Variants in ZNF664 observed in about 807,000 individuals in gnomAD.
ZNF664 encodes the protein zinc finger protein 664.
Under a neutral mutation model 18.2 loss-of-function variants are expected in ZNF664, and 10 were observed. The observed-to-expected ratio is 0.55, with a 90% CI of 0.34 to 0.93. ZNF664 has a LOEUF of 0.93. Ranked by LOEUF, ZNF664 falls within the 40% of genes least tolerant of loss-of-function variation. ZNF664 has a pLI of 0.02. For missense variants in ZNF664, 193 were observed against 319.0 expected, an observed-to-expected ratio of 0.61 and a Z score of 3.01; for synonymous variants, 119 against 104.2, an observed-to-expected ratio of 1.14 and a Z score of -0.86.
At position 123,993,679 on chromosome 12, in the gene ZNF664, C is replaced by T. The variant is rs557133384; in HGVS notation, c.-661+5541C>T. 1.6e-4 allele frequency among the ~76,000 whole-genome samples: 25 copies of T among 152,218 alleles called. No individual in the cohort carries two copies. The East Asian group carries it at 2.9e-3, about 18-fold the overall frequency. Reference sequence around the variant, plus strand: ...AACCCGGTTCCTTTGGCGGTATGTACGTCCTGATACCTAAACAACGTTTCC... The same window carrying T: ...AACCCGGTTCCTTTGGCGGTATGTATGTCCTGATACCTAAACAACGTTTCC... On this transcript the variant is annotated intron_variant, in intron 3 of 4. Transcript: ENST00000337815.
intron 2 of ZNF664, among the ~76,000 whole-genome samples, chr12:123,980,640 T>C (rs942640012): frequency 6.6e-6 from 1 of 152,098 alleles, no homozygotes; most frequent in Non-Finnish European, 1.5e-5. Context: ...ATGCTTATGA[T>C]AGTGTTAAGT....
intron 3 of ZNF664, among the ~76,000 whole-genome samples, chr12:123,990,514 G>A (rs2138372702): frequency 1.3e-5 from 2 of 152,312 alleles, no homozygotes; most frequent in East Asian, 3.9e-4. Context: ...CTCTTCCTGA[G>A]GGTGGCTTGA....
At chr12:123,997,456 C>G (rs1213758004) in intron 3 of ZNF664, among the ~76,000 whole-genome samples, 2 of 152,216 alleles carry the variant, frequency 1.3e-5, no homozygotes, top group African/African-American at 2.4e-5. Context: ...GAAGGCTTTA[C>G]AGGAGAATCC....
intron 2 of ZNF664, chr12:123,974,453 A>G (rs1787235144): frequency 6.4e-6 from 1 of 156,300 alleles, no homozygotes; most frequent in African/African-American, 2.4e-5. Context: ...TCTTATTTAG[A>G]GAGGGCTCCT....
Position 124,013,523 on chromosome 12 carries a change from G to T in ZNF664, c.*593G>T, listed in dbSNP as rs1957157489. ...CATTAACTTTCATTTTAGATTTTAG[G>T]TGACTCATAATTCCCATTCACTTAG... On this transcript the variant is annotated 3_prime_UTR_variant, in exon 5 of 5. Transcript: ENST00000337815. 1 of 169,710 alleles carries T rather than the reference G, an allele frequency of 5.9e-6. No homozygotes were observed. The highest frequency in any genetic ancestry group is 6.3e-5 in the Admixed American group (1 of 15,870). The allele number at this position is 169,710 out of a possible 1,614,324, so 10.5% of individuals were successfully genotyped here.
Position 124,013,055 on chromosome 12 carries a change from G to C in ZNF664, c.*125G>C. The C allele has an allele frequency of 7.9e-7, 1 of 1,265,278 alleles. No individual in the cohort carries two copies. The highest frequency in any genetic ancestry group is 1.6e-5 in the South Asian group (1 of 62,876). The allele number at this position is 1,265,278 out of a possible 1,614,324, so 78.4% of individuals were successfully genotyped here. On this transcript the variant is annotated 3_prime_UTR_variant, in exon 5 of 5. Transcript: ENST00000337815. ...CCTAGCAGAACATTGTTTCTGAGGA[G>C]GCATATGTGAGATTGATTTGTTGGT...
intron 3 of ZNF664, among the ~76,000 whole-genome samples, chr12:124,010,750 A>G (rs966461290): frequency 6.6e-6 from 1 of 152,226 alleles, no homozygotes; most frequent in Non-Finnish European, 1.5e-5. Context: ...CAATACGATA[A>G]TTACAAGTCC....
In ZNF664 at chr12:123,994,433, A is replaced by G. The variant is rs143075563; in HGVS notation, c.-661+6295A>G. Reference sequence around the variant, plus strand: ...CTCATTACATGCTAACATAAATGACATTTTTATGAAAAATAGCTATTTTCT... The same window carrying G: ...CTCATTACATGCTAACATAAATGACGTTTTTATGAAAAATAGCTATTTTCT... On this transcript the variant is annotated intron_variant, in intron 3 of 4. Coordinates refer to ENST00000337815, the MANE Select transcript of ZNF664 (RefSeq NM_152437.3). Among the ~76,000 whole-genome samples, 1,220 of 152,334 alleles carry G rather than the reference A, an allele frequency of 8.0e-3. 12 individuals are homozygous for G. Among genetic ancestry groups the G allele is most frequent in the Middle Eastern group, 0.031 (9 of 294 alleles).
intron 2 of ZNF664, among the ~76,000 whole-genome samples, chr12:123,987,143 T>A (rs185336623): frequency 1.3e-5 from 2 of 152,288 alleles, no homozygotes; most frequent in East Asian, 3.9e-4. Flanking sequence ...TTTCACATAA[T>A]CCTTTCCCCC....
intron 2 of ZNF664, among the ~76,000 whole-genome samples, chr12:123,984,166 G>C (rs911553206): frequency 2.6e-5 from 4 of 152,184 alleles, no homozygotes; most frequent in Non-Finnish European, 5.9e-5. Context: ...GAGGAGAGGG[G>C]AGATGGAACT....
At chr12:123,987,957 T>G (rs1429043023) in intron 2 of ZNF664, 86 bp from the exon 3 acceptor site, 1 of 1,228,784 alleles carries the variant, frequency 8.1e-7, no homozygotes, top group Non-Finnish European at 1.0e-6. Flanking sequence ...ACCCCACGTT[T>G]ATAGTAGCTA....
At position 124,011,455 on chromosome 12, in the gene ZNF664, CT is replaced by C. The variant is rs1299053719; in HGVS notation, c.-600+15del. 1.2e-6 allele frequency: 1 copy of C among 804,438 alleles called. No homozygotes were observed. The highest frequency in any genetic ancestry group is 1.5e-6 in the Non-Finnish European group (1 of 666,340). 49.8% of individuals were successfully genotyped at this position (804,438 alleles called of 1,614,324 possible). ...AGACCAAAAAAGGTTTGTGTTACTGCTGTCACATTTATATAAAATTAATTTT... is the reference window on the plus strand; with the variant it reads ...AGACCAAAAAAGGTTTGTGTTACTGCGTCACATTTATATAAAATTAATTTT... On this transcript the variant is annotated intron_variant, in intron 4 of 4. Transcript: ENST00000337815.
intron 1 of ZNF664, 195 bp from the exon 2 acceptor site, chr12:123,973,691 C>T (rs1195965279): frequency 1.0e-6 from 1 of 988,886 alleles, no homozygotes; most frequent in Non-Finnish European, 1.3e-6. Flanking sequence ...CCTCGGGAGC[C>T]GGACTCCCGA....
chr12:123,988,187 T>C, intron 3 of ZNF664, 49 bp downstream of exon 3: 4 of 1,230,236 alleles, frequency 3.3e-6, no homozygotes, highest in South Asian at 8.2e-5. Flanking sequence ...AGAATCCCCC[T>C]TGAGTATTTT....
At chr12:123,996,976 G>A (rs1032023678) in intron 3 of ZNF664, among the ~76,000 whole-genome samples, 4 of 152,178 alleles carry the variant, frequency 2.6e-5, no homozygotes, top group Admixed American at 2.0e-4. Flanking sequence ...TGGTGTCAGA[G>A]GTGAAGACTG....
At chr12:123,976,563 G>A (rs1001745231) in intron 2 of ZNF664, among the ~76,000 whole-genome samples, 2 of 152,282 alleles carry the variant, frequency 1.3e-5, no homozygotes, top group East Asian at 1.9e-4. Context: ...CCATGATATG[G>A]GTTGGGATTT....
chr12:123,973,930 A>T lies in ZNF664; in HGVS notation c.-847A>T. ...AGGAGGCGAGCATCCCGCTCAGGTG[A>T]TGAGGAACCCCTCGCGCACCCAGCG... On this transcript the variant is annotated 5_prime_UTR_variant, in exon 2 of 5. It removes an upstream start codon present in the reference 5' UTR. Coordinates refer to ENST00000337815, the MANE Select transcript of ZNF664 (RefSeq NM_152437.3). 1 of 1,231,902 alleles carries T rather than the reference A, an allele frequency of 8.1e-7. No homozygotes were observed. The highest frequency in any genetic ancestry group is 1.0e-6 in the Non-Finnish European group (1 of 988,092). The allele number at this position is 1,231,902 out of a possible 1,614,324, so 76.3% of individuals were successfully genotyped here. A position where few individuals can be genotyped will look rare whatever the true frequency, so the allele number is the denominator to read the frequency against.
intron 3 of ZNF664, among the ~76,000 whole-genome samples, chr12:124,006,527 T>C (rs1957075734): frequency 6.6e-6 from 1 of 152,252 alleles, no homozygotes; most frequent in Non-Finnish European, 1.5e-5. Flanking sequence ...CCTTGAATCT[T>C]AGCATCAGTT....
intron 3 of ZNF664, among the ~76,000 whole-genome samples, chr12:123,996,738 T>G (rs12423399): frequency 9.2e-5 from 14 of 152,312 alleles, no homozygotes; most frequent in African/African-American, 2.4e-4. Flanking sequence ...GCCAATTAGA[T>G]TGCAGGGCTC....
Sources: gnomAD v4.1 joint callset for allele counts (sites outside exome capture counted in the v4.1 genomes callset) on GRCh38, gnomAD v4.1.1 for gene constraint, MANE v1.5 for transcripts, NCBI Gene and HGNC (gene_info 2026-07-23, HGNC 2026-07-21) for gene names.